Variants in MAEL observed in about 807,000 individuals in gnomAD.
The protein encoded by MAEL is protein maelstrom homolog.
A neutral mutation model predicts 62.0 loss-of-function variants in MAEL; 46 were observed. The observed-to-expected ratio is 0.74, with a 90% CI of 0.59 to 0.95. The LOEUF (loss-of-function observed/expected upper bound fraction) is 0.95. Among genes scored for constraint, MAEL ranks in the 40% least tolerant of loss-of-function variants. The pLI is 0.00. For missense variants in MAEL, 497 were observed against 526.8 expected, an observed-to-expected ratio of 0.94 and a Z score of 0.55; for synonymous variants, 172 against 175.5, an observed-to-expected ratio of 0.98 and a Z score of 0.16.
chr1:166,979,030 G>A (rs893699658), intron 1 of MAEL, among the ~76,000 whole-genome samples: 1 of 152,196 alleles, frequency 6.6e-6, no homozygotes, highest in Non-Finnish European at 1.5e-5. Context: ...CCACCACAAG[G>A]AGACATACTG....
At chr1:166,999,578 G>A (rs1381495508) in intron 5 of MAEL, among the ~76,000 whole-genome samples, 3 of 152,216 alleles carry the variant, frequency 2.0e-5, no homozygotes, top group African/African-American at 4.8e-5. Context: ...AAGTGCTGAC[G>A]TAGACGCTGC....
In MAEL at chr1:166,995,861, T is replaced by G. The variant is rs566580171; in HGVS notation, c.523+1792T>G. Among the ~76,000 whole-genome samples the G allele has an allele frequency of 2.0e-5, 3 of 152,332 alleles. No homozygotes were observed. The East Asian group carries it at 5.8e-4, about 29-fold the overall frequency. On this transcript the variant is annotated intron_variant, in intron 5 of 11. Transcript: ENST00000367872. ...TTGCTATTTTGATTCTGTTAAATCC[T>G]TCTTAAAAATCTATTTTTGACGACC...
intron 8 of MAEL, among the ~76,000 whole-genome samples, chr1:167,010,222 A>T (rs763028676): frequency 6.6e-6 from 1 of 152,182 alleles, no homozygotes; most frequent in Middle Eastern, 3.4e-3. Flanking sequence ...TGCCTTTCCC[A>T]TGATTATAAA....
chr1:167,020,544 A>G (rs1431554255), intron 10 of MAEL, among the ~76,000 whole-genome samples: 1 of 152,032 alleles, frequency 6.6e-6, no homozygotes, highest in Non-Finnish European at 1.5e-5. Context: ...TTTTTCCTTC[A>G]GATTTCATCA....
At chr1:167,007,139 A>G (rs960265036) in intron 8 of MAEL, among the ~76,000 whole-genome samples, 2 of 152,028 alleles carry the variant, frequency 1.3e-5, no homozygotes, top group Non-Finnish European at 2.9e-5. Context: ...TGTAAAAAAA[A>G]AAAAAGTTTC....
chr1:166,988,889 G>C (rs1664017022), upstream of MAEL, among the ~76,000 whole-genome samples: 1 of 152,126 alleles, frequency 6.6e-6, no homozygotes, highest in Admixed American at 6.5e-5. Context: ...GTAAACTTGA[G>C]GGCAAGGAAG....
At chr1:167,000,368 TAGAAG>T (rs540510624) in intron 5 of MAEL, among the ~76,000 whole-genome samples, 260 of 152,244 alleles carry the variant, frequency 1.7e-3, no homozygotes, top group African/African-American at 5.8e-3. Context: ...GAAGAAGTAA[TAGAAG>T]AGAACTAGAA....
upstream of MAEL, chr1:166,989,209 C>A: frequency 9.2e-7 from 1 of 1,081,288 alleles, no homozygotes; most frequent in African/African-American, 1.6e-5. Flanking sequence ...CCCCGCGGGG[C>A]AATGCGACTG....
At chr1:166,993,920 A>G in intron 4 of MAEL, 108 bp from the exon 5 acceptor site, 4 of 727,558 alleles carry the variant, frequency 5.5e-6, no homozygotes, top group Non-Finnish European at 8.8e-6. Flanking sequence ...ATTTTCATGT[A>G]ATAAAAATTA....
At chr1:166,990,013 A>G in intron 2 of MAEL, 184 bp downstream of exon 2, 2 of 591,016 alleles carry the variant, frequency 3.4e-6, no homozygotes, top group African/African-American at 1.9e-5. Flanking sequence ...AGCCTCCACA[A>G]CTAGGGCATG....
chr1:166,986,537 T>C (rs1482533518), upstream of MAEL, among the ~76,000 whole-genome samples: 5 of 152,040 alleles, frequency 3.3e-5, no homozygotes, highest in African/African-American at 1.2e-4. Flanking sequence ...GTGATAAAAA[T>C]GTAAGTTTTA....
At chr1:167,020,846 C>T (rs72637221) in intron 10 of MAEL, among the ~76,000 whole-genome samples, 22,696 of 151,846 alleles carry the variant, frequency 0.15, 1,817 homozygotes, top group East Asian at 0.24. Context: ...TATCAGCAAA[C>T]GTGCTATAAT....
Position 167,022,034 on chromosome 1 carries a change from G to T in MAEL, c.*179G>T. 1 of 527,954 alleles carries T rather than the reference G, an allele frequency of 1.9e-6. No homozygotes were observed. Among genetic ancestry groups the T allele is most frequent in the Non-Finnish European group, 3.3e-6 (1 of 304,846 alleles). 32.7% of individuals were successfully genotyped at this position (527,954 alleles called of 1,614,324 possible). A position where few individuals can be genotyped will look rare whatever the true frequency, so the allele number is the denominator to read the frequency against. The stretch of plus-strand genomic sequence containing the variant: ...GGTTGGAGAGCATCTTGGCATTTGT[G>T]CTTTTTTTCTTGAGGGATTGTTCTG... On this transcript the variant is annotated 3_prime_UTR_variant, in exon 12 of 12. Coordinates refer to ENST00000367872, the MANE Select transcript of MAEL (RefSeq NM_032858.3).
intron 1 of MAEL, among the ~76,000 whole-genome samples, chr1:166,981,618 T>C (rs1663760803): frequency 1.3e-5 from 2 of 152,142 alleles, no homozygotes; most frequent in South Asian, 4.2e-4. Context: ...GTAGTCCTGG[T>C]CAGAGATATC....
In MAEL at chr1:167,001,134, CTG is replaced by C. The variant is rs574102744; in HGVS notation, c.524-3044_524-3043del. On this transcript the variant is annotated intron_variant, in intron 5 of 11. Transcript: ENST00000367872. ...GCAGCAACCTGGATGGGATTGGAGA[CTG>C]TTATTCCAAGTGAAGCAACTCAGGA... Among the ~76,000 whole-genome samples the C allele has an allele frequency of 5.7e-3, 861 of 152,316 alleles. 9 individuals carry two copies. The highest frequency in any genetic ancestry group is 0.02 in the African/African-American group (814 of 41,554).
At chr1:166,997,856 T>C (rs1272581399) in intron 5 of MAEL, among the ~76,000 whole-genome samples, 1 of 152,232 alleles carries the variant, frequency 6.6e-6, no homozygotes, top group East Asian at 1.9e-4. Context: ...AAGTTGTTAT[T>C]CTACCTGGAA....
At chr1:167,005,550 GAT>G (rs2102099725) in intron 8 of MAEL, 153 bp downstream of exon 8, 1 of 639,496 alleles carries the variant, frequency 1.6e-6, no homozygotes, top group South Asian at 2.6e-5. Flanking sequence ...TTGATAGTAA[GAT>G]ATATTGTTAC....
chr1:167,021,226 G>A, intron 11 of MAEL, 66 bp downstream of exon 11: 15 of 1,120,222 alleles, frequency 1.3e-5, no homozygotes, highest in Non-Finnish European at 1.3e-6. Context: ...AAGATCCCAG[G>A]TGTGGTATTT....
intron 8 of MAEL, among the ~76,000 whole-genome samples, chr1:167,010,461 T>A (rs897951051): frequency 6.6e-6 from 1 of 151,726 alleles, no homozygotes; most frequent in Admixed American, 6.6e-5. Flanking sequence ...CTTTTCTTTT[T>A]TTTAAAGAGA....
Sources: gnomAD v4.1 joint callset for allele counts (sites outside exome capture counted in the v4.1 genomes callset) on GRCh38, gnomAD v4.1.1 for gene constraint, MANE v1.5 for transcripts, NCBI Gene and HGNC (gene_info 2026-07-23, HGNC 2026-07-21) for gene names.